Variants in UNK observed in about 807,000 individuals in gnomAD.
UNK encodes unk zinc finger.
UNK carries 32 observed loss-of-function variants against 97.6 expected under a neutral mutation model. The ratio of observed to expected loss-of-function variants is 0.33; its 90% CI spans 0.25 to 0.44. UNK has a LOEUF of 0.44. UNK is among the 20% of genes least tolerant of loss of function. UNK has a pLI of 1.00. For synonymous variants in UNK, 441 were observed against 461.2 expected, an observed-to-expected ratio of 0.96 and a Z score of 0.56; for missense variants, 771 against 1,098.4, an observed-to-expected ratio of 0.70 and a Z score of 4.21.
At chr17:75,790,656 C>T (rs530947234) in intron 1 of UNK, among the ~76,000 whole-genome samples, 14 of 151,206 alleles carry the variant, frequency 9.3e-5, no homozygotes, top group Admixed American at 3.3e-4. Context: ...ATTGGCTGGG[C>T]GTGGTGGCTC....
intron 1 of UNK, among the ~76,000 whole-genome samples, chr17:75,808,244 A>G (rs2061936515): frequency 6.6e-6 from 1 of 152,238 alleles, no homozygotes; most frequent in Non-Finnish European, 1.5e-5. Context: ...AGGAGGGCAC[A>G]GCTTTTTGTC....
chr17:75,800,513 C>T (rs8066939), intron 1 of UNK, among the ~76,000 whole-genome samples: 15 of 151,404 alleles, frequency 9.9e-5, no homozygotes, highest in African/African-American at 2.9e-4. Context: ...CCGAGGCGGG[C>T]GGATCATGAG....
chr17:75,813,082 T>C lies in UNK; in HGVS notation c.627T>C (p.Thr209=), dbSNP rs1266507303. The C allele has an allele frequency of 3.8e-6, 6 of 1,586,662 alleles. No homozygotes were observed. In the Admixed American group the frequency reaches 9.0e-5, roughly 24 times the overall value. The part of the protein sequence containing the change: ...ILSEEPRWQE[T]AYVLGNYKTE... ...GCCCTCTGGCCCCCTGTGCAGAGAC[T>C]GCTTATGTGCTGGGGAACTATAAGA... The change falls in exon 5 of 16, where the codon ACT becomes ACC. Residue 209 remains threonine, a synonymous_variant. Transcript: ENST00000589666.
At chr17:75,810,695 G>T (rs145592529) in intron 2 of UNK, among the ~76,000 whole-genome samples, 1 of 152,042 alleles carries the variant, frequency 6.6e-6, no homozygotes, top group African/African-American at 2.4e-5. Flanking sequence ...GGAGTGCAGG[G>T]GTGCGATCTT....
chr17:75,808,335 A>G (rs1031421281), intron 1 of UNK, among the ~76,000 whole-genome samples: 2 of 152,212 alleles, frequency 1.3e-5, no homozygotes, highest in African/African-American at 4.8e-5. Flanking sequence ...GGAGGCTTCC[A>G]GATTTCTGCC....
chr17:75,820,804 A>G (rs1178548321), intron 13 of UNK, among the ~76,000 whole-genome samples: 1 of 152,120 alleles, frequency 6.6e-6, no homozygotes, highest in East Asian at 1.9e-4. Flanking sequence ...ACTCTCCCCC[A>G]GCAGCTGCAG....
intron 15 of UNK, among the ~76,000 whole-genome samples, chr17:75,823,863 C>A (rs1271426046): frequency 1.3e-5 from 2 of 152,206 alleles, no homozygotes; most frequent in Non-Finnish European, 2.9e-5. Flanking sequence ...CCAGGGCTAC[C>A]CCTGCCTTCC....
intron 1 of UNK, among the ~76,000 whole-genome samples, chr17:75,797,144 G>C (rs1490301506): frequency 6.6e-6 from 1 of 152,190 alleles, no homozygotes; most frequent in Non-Finnish European, 1.5e-5. Flanking sequence ...ATTGTGGTTA[G>C]ATTTCAATAA....
Position 75,823,453 on chromosome 17 carries a change from G to A in UNK, c.2208G>A (p.Glu736=). 3.2e-6 allele frequency: 5 copies of A among 1,584,018 alleles called. No homozygotes were observed. Among genetic ancestry groups the A allele is most frequent in the Non-Finnish European group, 4.3e-6 (5 of 1,162,788 alleles). ...PQALPAFSDL[E]ALSLSTLYSL... is the part of the protein sequence containing the mutation. Reference sequence around the variant, plus strand: ...CCCTGCCCGCCTTCTCCGACCTGGAGGCGCTCTCACTCTCCACCCTCTACT... The same window carrying A: ...CCCTGCCCGCCTTCTCCGACCTGGAAGCGCTCTCACTCTCCACCCTCTACT... Residue 736 remains glutamate (E), a synonymous_variant, in exon 15 of 16, where the codon GAG becomes GAA. Transcript: ENST00000589666.
Position 75,816,145 on chromosome 17 carries a change from T to G in UNK, c.962-625T>G, listed in dbSNP as rs1480139175. Among the ~76,000 whole-genome samples the G allele has an allele frequency of 6.6e-6, 1 of 152,164 alleles. No homozygotes were observed. The highest frequency in any genetic ancestry group is 1.9e-4 in the East Asian group (1 of 5,192). On this transcript the variant is annotated intron_variant, in intron 7 of 15. Transcript: ENST00000589666. The surrounding 1 kb of genome is among the most constrained non-coding windows in gnomAD (Gnocchi z 4.0). ...CCACATGTGGCTTTCGGCTGCCTTG[T>G]GGGACAGTGTGGGTCTGGATCCTCA... is the stretch of plus-strand genomic sequence containing the variant.
intron 1 of UNK, among the ~76,000 whole-genome samples, chr17:75,797,200 T>C (rs934640602): frequency 6.6e-6 from 1 of 152,234 alleles, no homozygotes. Flanking sequence ...AAAAAGATCC[T>C]ATATTCATGT....
In UNK at chr17:75,784,982, C is replaced by T. The variant is rs1218345615; in HGVS notation, c.102C>T (p.Tyr34=). ...LQAQPEKPQH[Y]TYLKEFRTEQ... ...CACAGCCCGAGAAACCGCAGCACTA[C>T]ACGTACGTAGAGCCCCCCCCCCCCC... Residue 34 remains tyrosine (Y), a splice_region_variant and synonymous_variant, in exon 1 of 16, where the codon TAC becomes TAT. Transcript: ENST00000589666. The T allele has an allele frequency of 1.4e-6, 2 of 1,469,640 alleles. No individual in the cohort carries two copies. The highest frequency in any genetic ancestry group is 9.0e-7 in the Non-Finnish European group (1 of 1,109,002). The allele number at this position is 1,469,640 out of a possible 1,614,324, so 91.0% of individuals were successfully genotyped here. A position where few individuals can be genotyped will look rare whatever the true frequency, so the allele number is the denominator to read the frequency against.
intron 1 of UNK, among the ~76,000 whole-genome samples, chr17:75,787,837 AAGAG>A (rs1254820707): frequency 2.6e-4 from 40 of 151,244 alleles, no homozygotes; most frequent in African/African-American, 7.3e-4. Context: ...AAAAAAAAAA[AAGAG>A]AGACGTGATC....
intron 4 of UNK, 55 bp from the exon 5 acceptor site, chr17:75,813,023 C>A (rs911416231): frequency 1.3e-6 from 2 of 1,528,488 alleles, no homozygotes; most frequent in Non-Finnish European, 1.8e-6. Flanking sequence ...TCCTGCTAGT[C>A]TTGGGGTGCT....
Position 75,819,099 on chromosome 17 carries a change from A to G in UNK, c.1546+283A>G, listed in dbSNP as rs1456176965. On this transcript the variant is annotated intron_variant, in intron 11 of 15. Coordinates refer to ENST00000589666, the MANE Select transcript of UNK (RefSeq NM_001080419.3). The surrounding 1 kb of genome is among the most constrained non-coding windows in gnomAD (Gnocchi z 5.4). ...AAGACGTGTTGTTCAGTCCCCACTC[A>G]TCTCACTGGTGTCCTTGTGTAGTGA... The G allele has an allele frequency of 2.2e-5, 8 of 366,386 alleles. No individual in the cohort carries two copies. Among genetic ancestry groups the G allele is most frequent in the Non-Finnish European group, 3.9e-5 (8 of 204,968 alleles). The allele number at this position is 366,386 out of a possible 1,614,324, so 22.7% of individuals were successfully genotyped here. A position where few individuals can be genotyped will look rare whatever the true frequency, so the allele number is the denominator to read the frequency against.
At position 75,819,359 on chromosome 17, in the gene UNK, C is replaced by T; in HGVS notation, c.1547-325C>T. The T allele has an allele frequency of 1.3e-5, 5 of 371,528 alleles. No homozygotes were observed. Among genetic ancestry groups the T allele is most frequent in the Non-Finnish European group, 2.5e-5 (5 of 200,704 alleles). The allele number at this position is 371,528 out of a possible 1,614,324, so 23.0% of individuals were successfully genotyped here. A position where few individuals can be genotyped will look rare whatever the true frequency, so the allele number is the denominator to read the frequency against. On this transcript the variant is annotated intron_variant, in intron 11 of 15. Coordinates refer to ENST00000589666, the MANE Select transcript of UNK (RefSeq NM_001080419.3). This position sits in a 1 kb window ranked among gnomAD's most constrained non-coding sequence, Gnocchi z 5.4. The stretch of plus-strand genomic sequence containing the variant: ...CAGAGACCCGCCCACCCCCACTGAT[C>T]CCGGGGCTGAGACCCTTGAGTTGTA...
intron 1 of UNK, among the ~76,000 whole-genome samples, chr17:75,805,399 GA>G (rs75234473): frequency 0.18 from 18,422 of 104,828 alleles, 1,139 homozygotes; most frequent in Non-Finnish European, 0.19. Context: ...TCTCAAAAAG[GA>G]AAAAAAAAAA....
intron 1 of UNK, among the ~76,000 whole-genome samples, chr17:75,809,231 G>A (rs4318268): frequency 2.2e-4 from 34 of 152,104 alleles, no homozygotes; most frequent in Non-Finnish European, 4.4e-4. Flanking sequence ...CAGTAGTCCC[G>A]AGGGATGCCT....
rs63641660 is a variant in UNK at position 75,784,995 on chromosome 17, C to G, written c.104+11C>G. The G allele has an allele frequency of 0.031, 91 of 2,946 alleles. No homozygotes were observed. Among genetic ancestry groups the G allele is most frequent in the African/African-American group, 0.051 (7 of 136 alleles). 0.2% of individuals were successfully genotyped at this position (2,946 alleles called of 1,614,324 possible). ...ACCGCAGCACTACACGTACGTAGAGCCCCCCCCCCCCCGCCGCGCGCGCAC... is the reference window on the plus strand; with the variant it reads ...ACCGCAGCACTACACGTACGTAGAGGCCCCCCCCCCCCGCCGCGCGCGCAC... On this transcript the variant is annotated intron_variant, in intron 1 of 15. Coordinates refer to ENST00000589666, the MANE Select transcript of UNK (RefSeq NM_001080419.3).
Sources: allele counts gnomAD v4.1 joint callset (sites outside exome capture counted in the v4.1 genomes callset), GRCh38; gene constraint gnomAD v4.1.1; non-coding constraint Gnocchi (gnomAD v3.1); transcripts MANE v1.5; gene names NCBI Gene and HGNC (gene_info 2026-07-23, HGNC 2026-07-21).